Variants in ICE2 observed in about 807,000 individuals in gnomAD.
ICE2 encodes the protein little elongation complex subunit 2.
In ICE2, 87 loss-of-function variants were observed where a neutral mutation model predicts 105.4. The observed-to-expected ratio is 0.83, with a 90% CI of 0.69 to 0.99. The LOEUF (loss-of-function observed/expected upper bound fraction) is 0.99. Among genes scored for constraint, ICE2 ranks in the 50% least tolerant of loss-of-function variants. The pLI is 0.00. For synonymous variants in ICE2, 399 were observed against 392.0 expected, an observed-to-expected ratio of 1.02 and a Z score of -0.21; for missense variants, 1,323 against 1,146.7, an observed-to-expected ratio of 1.15 and a Z score of -2.22.
chr15:60,449,218 T>C lies in ICE2; in HGVS notation c.1749A>G (p.Glu583=), dbSNP rs367545310. Residue 583 remains glutamate (E), a synonymous_variant, in exon 10 of 16, where the codon GAA becomes GAG. Coordinates refer to ENST00000261520, the MANE Select transcript of ICE2 (RefSeq NM_024611.6). ...TDEECLIIDT[E]CKNNSDGKTA... ...TCTTTCCATCACTATTATTTTTACA[T>C]TCTGTATCAATGATTAAACACTCCT... is the stretch of plus-strand genomic sequence containing the variant. The C allele has an allele frequency of 4.3e-6, 7 of 1,613,962 alleles. No homozygotes were observed. The highest frequency in any genetic ancestry group is 4.2e-6 in the Non-Finnish European group (5 of 1,180,020).
intron 13 of ICE2, 138 bp downstream of exon 13, chr15:60,436,005 A>C: frequency 2.3e-6 from 1 of 438,344 alleles, no homozygotes; most frequent in Non-Finnish European, 4.1e-6. Context: ...GACAAAACAA[A>C]ACTGAGTCCA....
At chr15:60,436,512 A>T (rs892552042) in intron 12 of ICE2, among the ~76,000 whole-genome samples, 2 of 151,920 alleles carry the variant, frequency 1.3e-5, no homozygotes, top group African/African-American at 4.8e-5. Context: ...ACAATTTATG[A>T]ACAACAACTA....
intron 5 of ICE2, among the ~76,000 whole-genome samples, chr15:60,464,720 T>C (rs1220639519): frequency 6.6e-6 from 1 of 152,132 alleles, no homozygotes; most frequent in Non-Finnish European, 1.5e-5. Context: ...TGCAGGCCAC[T>C]GTAGAACTTT....
chr15:60,427,151 T>C (rs370144981), intron 15 of ICE2, among the ~76,000 whole-genome samples: 2 of 152,204 alleles, frequency 1.3e-5, no homozygotes, highest in Admixed American at 1.3e-4. Context: ...CAAACAACCC[T>C]GTTTACTTTA....
chr15:60,465,491 T>A lies in ICE2; in HGVS notation c.528+1103A>T, dbSNP rs78349345. ...TGTGAGTCACCGTGTCCGGACTTTT[T>A]AAAAAAACAGTGAAAGTGTAACACT... On this transcript the variant is annotated intron_variant, in intron 5 of 15. Coordinates refer to ENST00000261520, the MANE Select transcript of ICE2 (RefSeq NM_024611.6). Among the ~76,000 whole-genome samples, 3 of 152,186 alleles carry A rather than the reference T, an allele frequency of 2.0e-5. No homozygotes were observed. In the East Asian group the frequency reaches 5.8e-4, roughly 29 times the overall value.
At position 60,422,621 on chromosome 15, in the gene ICE2, G is replaced by A. The variant is rs2063253870; in HGVS notation, c.*1013C>T. 1 of 152,206 alleles carries A rather than the reference G, an allele frequency of 6.6e-6. No homozygotes were observed. The highest frequency in any genetic ancestry group is 2.4e-5 in the African/African-American group (1 of 41,412). 9.4% of individuals were successfully genotyped at this position (152,206 alleles called of 1,614,324 possible). ...GGAGGCCAAGGCAGGCGGATCACAA[G>A]GTCAGGAGTTTGAGACCAGCCCGGC... On this transcript the variant is annotated 3_prime_UTR_variant, in exon 16 of 16. Coordinates refer to ENST00000261520, the MANE Select transcript of ICE2 (RefSeq NM_024611.6).
intron 11 of ICE2, among the ~76,000 whole-genome samples, chr15:60,444,404 T>C (rs2063780804): frequency 6.6e-6 from 1 of 152,184 alleles, no homozygotes; most frequent in African/African-American, 2.4e-5. Context: ...ACATTTCATC[T>C]TTCCTTAGTA....
rs2063224238 is a variant in ICE2 at position 60,419,782 on chromosome 15, T to G, written c.*3852A>C. The G allele has an allele frequency of 6.6e-6, 1 of 152,254 alleles. No individual in the cohort carries two copies. The highest frequency in any genetic ancestry group is 6.5e-5 in the Admixed American group (1 of 15,288). The allele number at this position is 152,254 out of a possible 1,614,324, so 9.4% of individuals were successfully genotyped here. ...TGCATAGAAAACGTCTTAACATCTT[T>G]ACAACATGCCCATTAGGAACTACAG... is the stretch of plus-strand genomic sequence containing the variant. On this transcript the variant is annotated 3_prime_UTR_variant, in exon 16 of 16. Transcript: ENST00000261520.
Position 60,447,641 on chromosome 15 carries a change from C to T in ICE2, c.2295+329G>A, listed in dbSNP as rs142577187. ...GGAGTTTGGCCTGTGACCCATCATA[C>T]GAGGTCATGTGTGGAATTTTCCACT... On this transcript the variant is annotated intron_variant, in intron 11 of 15. Coordinates refer to ENST00000261520, the MANE Select transcript of ICE2 (RefSeq NM_024611.6). The T allele has an allele frequency of 4.4e-3, 763 of 175,282 alleles. 7 individuals are homozygous for T. The highest frequency in any genetic ancestry group is 0.017 in the African/African-American group (723 of 42,184). The allele number at this position is 175,282 out of a possible 1,614,324, so 10.9% of individuals were successfully genotyped here. A position where few individuals can be genotyped will look rare whatever the true frequency, so the allele number is the denominator to read the frequency against.
intron 5 of ICE2, 120 bp downstream of exon 5, chr15:60,466,474 T>C (rs2064431147): frequency 2.7e-6 from 3 of 1,111,512 alleles, no homozygotes; most frequent in South Asian, 1.4e-5. Context: ...AAAAGACCTG[T>C]GGTTTTTAAA....
chr15:60,455,231 A>G (rs2064072702), intron 7 of ICE2, 69 bp from the exon 8 acceptor site: 3 of 1,523,252 alleles, frequency 2.0e-6, no homozygotes, highest in Non-Finnish European at 2.7e-6. Context: ...AGAACAAAAA[A>G]AGTCAGAAAG....
At chr15:60,470,469 G>A (rs1202291645) in intron 3 of ICE2, among the ~76,000 whole-genome samples, 1 of 152,114 alleles carries the variant, frequency 6.6e-6, no homozygotes, top group Non-Finnish European at 1.5e-5. Flanking sequence ...GGAATTAAAG[G>A]CATTCAGAAG....
intron 9 of ICE2, chr15:60,451,638 G>C (rs1370944180): frequency 2.0e-6 from 2 of 983,798 alleles, no homozygotes; most frequent in African/African-American, 1.7e-5. Context: ...TCCAGAAAAA[G>C]CATTTTACTC....
rs2063276446 is a variant in ICE2 at position 60,423,721 on chromosome 15, T to C, written c.2862A>G (p.Pro954=). 1.2e-6 allele frequency: 2 copies of C among 1,602,746 alleles called. No individual in the cohort carries two copies. Among genetic ancestry groups the C allele is most frequent in the South Asian group, 1.1e-5 (1 of 88,678 alleles). Residue 954 remains proline, a synonymous_variant, in exon 16 of 16, where the codon CCA becomes CCG. Coordinates refer to ENST00000261520, the MANE Select transcript of ICE2 (RefSeq NM_024611.6). ...TRMPTRSHRN[P]VSMETKSSCL... is the part of the protein sequence containing the mutation. Reference sequence around the variant, plus strand: ...AACTGCTTTTGGTTTCCATGGAAACTGGATTCCTGTGGCTGCGTGTAGGCA... The same window carrying C: ...AACTGCTTTTGGTTTCCATGGAAACCGGATTCCTGTGGCTGCGTGTAGGCA...
chr15:60,448,775 A>G (rs2063884848), intron 10 of ICE2, 73 bp downstream of exon 10: 3 of 1,280,264 alleles, frequency 2.3e-6, no homozygotes, highest in African/African-American at 3.0e-5. Context: ...GACAAAGTAA[A>G]GGAACGAGGG....
rs372697194 is a variant in ICE2 at position 60,444,250 on chromosome 15, T to C, written c.2296-1705A>G. Among the ~76,000 whole-genome samples the C allele has an allele frequency of 8.5e-5, 13 of 152,312 alleles. No individual in the cohort carries two copies. In the South Asian group the frequency reaches 1.0e-3, roughly 12 times the overall value. ...ATATATTTAAAAAAAATTTTAAATA[T>C]GTATTATTTCTAAAAAGCAAATACT... On this transcript the variant is annotated intron_variant, in intron 11 of 15. Coordinates refer to ENST00000261520, the MANE Select transcript of ICE2 (RefSeq NM_024611.6).
In ICE2 at chr15:60,473,105, G is replaced by A. The variant is rs551792269; in HGVS notation, c.146+2958C>T. ...ACCACATGTGCATGCCACCACACCA[G>A]CTAATTTTTAAATTATGTGTAGAGA... is the stretch of plus-strand genomic sequence containing the variant. On this transcript the variant is annotated intron_variant, in intron 3 of 15. Transcript: ENST00000261520. 1.2e-3 allele frequency among the ~76,000 whole-genome samples: 188 copies of A among 152,050 alleles called. 1 individual carries two copies. The highest frequency in any genetic ancestry group is 2.0e-3 in the Non-Finnish European group (133 of 67,972).
chr15:60,442,524 G>T lies in ICE2; in HGVS notation c.2317C>A (p.Pro773Thr). ...TAACAAGCTTGATACTCTACTTTTG[G>T]TAGTACATAAACTGGAAATTGCTGC... The part of the protein sequence containing the change: ...IRRQFPVYVL[P>T]KVEYQACYGV... The change falls in exon 12 of 16, where the codon CCA becomes ACA. Residue 773 changes from proline (P) to threonine (T), a missense_variant. Pro to Thr is a conservative substitution (Grantham distance 38). Coordinates refer to ENST00000261520, the MANE Select transcript of ICE2 (RefSeq NM_024611.6). 1 of 1,574,810 alleles carries T rather than the reference G, an allele frequency of 6.3e-7. No homozygotes were observed. Among genetic ancestry groups the T allele is most frequent in the Non-Finnish European group, 8.5e-7 (1 of 1,169,598 alleles).
rs2063917539 is a variant in ICE2 at position 60,449,777 on chromosome 15, T to A, written c.1190A>T (p.Asp397Val). The change falls in exon 10 of 16, where the codon GAT (aspartate) becomes GTT (valine). Residue 397 changes from aspartate to valine, a missense_variant. Transcript: ENST00000261520. Reference protein sequence around the residue: ...ESLENLYLDFDDDVTELETFG... With the variant: ...ESLENLYLDFVDDVTELETFG... ...AGTTTCAAGTTCTGTGACATCATCA[T>A]CAAAATCCAAATACAAGTTTTCAAG... 6.2e-7 allele frequency: 1 copy of A among 1,614,084 alleles called. No homozygotes were observed. The highest frequency in any genetic ancestry group is 8.5e-7 in the Non-Finnish European group (1 of 1,179,992).
Sources: allele counts gnomAD v4.1 joint callset (sites outside exome capture counted in the v4.1 genomes callset), GRCh38; gene constraint gnomAD v4.1.1; transcripts MANE v1.5; gene names NCBI Gene and HGNC (gene_info 2026-07-23, HGNC 2026-07-21).